ASAP3: variants seen among roughly 807,000 people sequenced by gnomAD.
The protein encoded by ASAP3 is ArfGAP with SH3 domain, ankyrin repeat and PH domain 3.
In ASAP3, 85 loss-of-function variants were observed where a neutral mutation model predicts 118.2. The observed-to-expected ratio is 0.72, with a 90% confidence interval of 0.60 to 0.86. The LOEUF (loss-of-function observed/expected upper bound fraction) is 0.86, where lower values mean the gene tolerates loss of function less well. ASAP3 is among the 40% of genes least tolerant of loss of function. The pLI, the probability that ASAP3 is intolerant of heterozygous loss-of-function variation, is 0.00. For missense variants in ASAP3, 1,026 were observed against 1,175.0 expected (o/e 0.87, Z 1.85); for synonymous variants, 432 against 477.4 (o/e 0.90, Z 1.24).
intron 1 of ASAP3, among the ~76,000 whole-genome samples, chr1:23,468,965 CA>C (rs888548760): frequency 1.4e-3 from 147 of 104,784 alleles, no homozygotes; most frequent in African/African-American, 4.9e-3. Context: ...AAAAAAAAAA[CA>C]AAAAAAACCC....
intron 1 of ASAP3, among the ~76,000 whole-genome samples, chr1:23,482,878 G>C (rs1364411081): frequency 6.6e-6 from 1 of 152,014 alleles, no homozygotes; most frequent in African/African-American, 2.4e-5. Flanking sequence ...TGTGAACCTG[G>C]GAGGCGGAGT....
intron 1 of ASAP3, among the ~76,000 whole-genome samples, chr1:23,474,372 C>A (rs991101848): frequency 1.1e-4 from 16 of 152,088 alleles, no homozygotes; most frequent in African/African-American, 3.9e-4. Flanking sequence ...GAGCCGAGCA[C>A]CCCTTCTCCT....
intron 1 of ASAP3, among the ~76,000 whole-genome samples, chr1:23,457,462 G>C (rs1641426017): frequency 6.6e-6 from 1 of 152,218 alleles, no homozygotes; most frequent in Non-Finnish European, 1.5e-5. Flanking sequence ...TGGAGGAAGG[G>C]GGGTCTAGTT....
At chr1:23,469,407 A>G (rs1641891518) in intron 1 of ASAP3, among the ~76,000 whole-genome samples, 1 of 152,186 alleles carries the variant, frequency 6.6e-6, no homozygotes, top group African/African-American at 2.4e-5. Context: ...TTTATTCTAT[A>G]AGTGATGGGG....
rs1349492445 is a variant in ASAP3 at position 23,436,890 on chromosome 1, C to T, written c.1476+21G>A. ...CCCTAACTCCGCTTCTGGCCCCTTCCAGGCCCCGCCCCGCCCTCACCAACA... is the reference window on the plus strand; with the variant it reads ...CCCTAACTCCGCTTCTGGCCCCTTCTAGGCCCCGCCCCGCCCTCACCAACA... On this transcript the variant is annotated intron_variant, in intron 15 of 24. Transcript: ENST00000336689. The surrounding 1 kb of genome is among the most constrained non-coding windows in gnomAD (Gnocchi z 4.2). 6.2e-7 allele frequency: 1 copy of T among 1,605,992 alleles called. No homozygotes were observed. Among genetic ancestry groups the T allele is most frequent in the Non-Finnish European group, 8.5e-7 (1 of 1,176,556 alleles).
chr1:23,435,888 T>C lies in ASAP3; in HGVS notation c.1712A>G (p.Gln571Arg). The change falls in exon 17 of 25, where the codon CAG (glutamine) becomes CGG (arginine). Residue 571 changes from glutamine (Q) to arginine (R), a missense_variant. Coordinates refer to ENST00000336689, the MANE Select transcript of ASAP3 (RefSeq NM_017707.4). The stretch of plus-strand genomic sequence containing the variant: ...CCCTGGCAGCGGCTGTCCAAAGTCC[T>C]GCCCATTGGCAAAGGCCTCCAGTAC... ...LSVLEAFANG[Q>R]DFGQPLPGPD... is the part of the protein sequence containing the mutation. The C allele has an allele frequency of 9.3e-6, 15 of 1,614,282 alleles. No homozygotes were observed. Among genetic ancestry groups the C allele is most frequent in the Non-Finnish European group, 1.2e-5 (14 of 1,180,058 alleles).
chr1:23,435,995 A>G lies in ASAP3; in HGVS notation c.1605T>C (p.Tyr535=), dbSNP rs756289914. The change falls in exon 17 of 25, where the codon TAT becomes TAC. Residue 535 remains tyrosine, a synonymous_variant. Transcript: ENST00000336689. ...ACCGGCGTGCAAACCTATGCTCCAC[A>G]TACTTGGCCATAATGTAGTCCCTGC... is the stretch of plus-strand genomic sequence containing the variant. The part of the protein sequence containing the change: ...GTRRDYIMAK[Y]VEHRFARRCT... 3.1e-6 allele frequency: 5 copies of G among 1,614,104 alleles called. No homozygotes were observed. The highest frequency in any genetic ancestry group is 4.2e-6 in the Non-Finnish European group (5 of 1,180,056).
Position 23,429,790 on chromosome 1 carries a change from T to G in ASAP3, c.*66A>C. On this transcript the variant is annotated 3_prime_UTR_variant, in exon 25 of 25. Transcript: ENST00000336689. ...AACAAATGTCTCAGCTCCCCAGTTTTGTGAGCTCAAGTCCCAGCTCTGAAC... is the reference window on the plus strand; with the variant it reads ...AACAAATGTCTCAGCTCCCCAGTTTGGTGAGCTCAAGTCCCAGCTCTGAAC... 1 of 1,499,684 alleles carries G rather than the reference T, an allele frequency of 6.7e-7. No homozygotes were observed. Among genetic ancestry groups the G allele is most frequent in the Non-Finnish European group, 9.2e-7 (1 of 1,091,680 alleles). 92.9% of individuals were successfully genotyped at this position (1,499,684 alleles called of 1,614,324 possible).
At chr1:23,443,699 C>CT (rs780457191) in intron 5 of ASAP3, among the ~76,000 whole-genome samples, 9,114 of 137,072 alleles carry the variant, frequency 0.066, 948 homozygotes, top group African/African-American at 0.22. Flanking sequence ...CCCAGCTAAT[C>CT]TTTTTTTTTT....
intron 17 of ASAP3, among the ~76,000 whole-genome samples, chr1:23,435,187 C>G (rs1640594112): frequency 6.6e-6 from 1 of 152,128 alleles, no homozygotes; most frequent in East Asian, 1.9e-4. Flanking sequence ...GCCACCATAC[C>G]CAGCTAATTT....
chr1:23,470,900 A>G (rs1641941737), intron 1 of ASAP3, among the ~76,000 whole-genome samples: 1 of 152,074 alleles, frequency 6.6e-6, no homozygotes, highest in Non-Finnish European at 1.5e-5. Context: ...TCCTCAGGAG[A>G]TTGCTTGGCG....
intron 17 of ASAP3, among the ~76,000 whole-genome samples, chr1:23,435,059 G>A (rs978170988): frequency 3.3e-5 from 5 of 152,070 alleles, no homozygotes; most frequent in Non-Finnish European, 7.4e-5. Flanking sequence ...ACAGGGTCTC[G>A]CTTTGTCACC....
chr1:23,431,030 C>G lies in ASAP3; in HGVS notation c.2637+5G>C. The G allele has an allele frequency of 1.3e-6, 2 of 1,569,640 alleles. No individual in the cohort carries two copies. The highest frequency in any genetic ancestry group is 1.7e-6 in the Non-Finnish European group (2 of 1,159,676). The stretch of plus-strand genomic sequence containing the variant: ...CCCCTCAAACCATGGTCCCAGAGTT[C>G]CTACCGGCACGTTCCTTCTGGGCAG... On this transcript the variant is annotated splice_donor_5th_base_variant and intron_variant, in intron 24 of 24. Transcript: ENST00000336689.
chr1:23,443,415 T>C (rs1010877045), intron 5 of ASAP3, among the ~76,000 whole-genome samples: 4 of 152,194 alleles, frequency 2.6e-5, no homozygotes, highest in Non-Finnish European at 5.9e-5. Flanking sequence ...CATGTACCCA[T>C]TGCTTACCCC....
intron 17 of ASAP3, 127 bp downstream of exon 17, chr1:23,435,724 A>T: frequency 8.9e-7 from 1 of 1,117,742 alleles, no homozygotes; most frequent in Non-Finnish European, 1.4e-6. Flanking sequence ...CCCACTTACC[A>T]CTCTGATGGG....
chr1:23,462,784 C>T (rs1641639136), intron 1 of ASAP3, among the ~76,000 whole-genome samples: 1 of 152,060 alleles, frequency 6.6e-6, no homozygotes, highest in Admixed American at 6.6e-5. Flanking sequence ...AAGACACAAT[C>T]TCAGCTCTCA....
At chr1:23,457,729 T>C (rs538318593) in intron 1 of ASAP3, among the ~76,000 whole-genome samples, 41 of 152,286 alleles carry the variant, frequency 2.7e-4, no homozygotes, top group Admixed American at 2.3e-3. Flanking sequence ...GCCAGGTTGG[T>C]CTCAAACTCC....
intron 5 of ASAP3, 23 bp downstream of exon 5, chr1:23,451,456 C>A: frequency 6.2e-7 from 1 of 1,612,440 alleles, no homozygotes; most frequent in Non-Finnish European, 8.5e-7. Context: ...CCCAGACAAA[C>A]GACCCTGGCT....
At chr1:23,444,964 T>TA (rs11317397) in intron 5 of ASAP3, among the ~76,000 whole-genome samples, 1 of 14,122 alleles carries the variant, frequency 7.1e-5, no homozygotes, top group Non-Finnish European at 6.8e-4. Context: ...CTCTGTAGGC[T>TA]TTTTTTTTTT....
Sources: gnomAD v4.1 joint callset for allele counts (sites outside exome capture counted in the v4.1 genomes callset) on GRCh38, gnomAD v4.1.1 for gene constraint, Gnocchi (gnomAD v3.1) non-coding constraint, MANE v1.5 for transcripts, NCBI Gene and HGNC (gene_info 2026-07-23, HGNC 2026-07-21) for gene names.